Variants in IQCH observed in about 807,000 individuals in gnomAD.
IQCH encodes the protein IQ domain-containing protein H.
A neutral mutation model predicts 117.0 loss-of-function variants in IQCH; 98 were observed. The ratio of observed to expected loss-of-function variants is 0.84; its 90% confidence interval spans 0.71 to 0.99. The LOEUF is 0.99. IQCH is among the 50% of genes least tolerant of loss of function. The probability of loss-of-function intolerance (pLI) is 0.00; values close to 1 mark genes in which losing one functional copy is unlikely to be tolerated. For synonymous variants in IQCH, 412 were observed against 448.2 expected (o/e 0.92, Z 1.02); for missense variants, 1,102 against 1,243.8 (o/e 0.89, Z 1.72).
chr15:67,257,271 A>G (rs1423555381), intron 1 of IQCH, among the ~76,000 whole-genome samples: 2 of 152,242 alleles, frequency 1.3e-5, no homozygotes, highest in African/African-American at 4.8e-5. Context: ...TTACTGTAAA[A>G]GTAGACTTCC....
intron 4 of IQCH, among the ~76,000 whole-genome samples, chr15:67,320,617 G>A (rs1482564160): frequency 6.6e-6 from 1 of 151,998 alleles, no homozygotes; most frequent in African/African-American, 2.4e-5. Flanking sequence ...GAAAATTCTG[G>A]GTCCAGTGTG....
chr15:67,371,147 G>A (rs890138266), intron 8 of IQCH, among the ~76,000 whole-genome samples: 1 of 152,016 alleles, frequency 6.6e-6, no homozygotes, highest in Admixed American at 6.6e-5. Context: ...GTTTACTGAC[G>A]AGAACTCAGG....
At chr15:67,394,003 G>A (rs1198346212) in intron 12 of IQCH, among the ~76,000 whole-genome samples, 1 of 152,090 alleles carries the variant, frequency 6.6e-6, no homozygotes, top group Non-Finnish European at 1.5e-5. Flanking sequence ...GGGGGTCTAA[G>A]TTACTTGCCT....
At chr15:67,378,900 T>G (rs1970827021) in intron 10 of IQCH, among the ~76,000 whole-genome samples, 2 of 152,234 alleles carry the variant, frequency 1.3e-5, no homozygotes, top group Admixed American at 1.3e-4. Context: ...ATCATGATTA[T>G]TGAAGACCGT....
At chr15:67,324,700 ATGTTTTT>A (rs561189291) in intron 4 of IQCH, among the ~76,000 whole-genome samples, 2 of 150,718 alleles carry the variant, frequency 1.3e-5, no homozygotes, top group South Asian at 2.1e-4. Context: ...TGGGGTAGCC[ATGTTTTT>A]TGTTTTTTGT....
rs2083337782 is a variant in IQCH at position 67,481,522 on chromosome 15, A to C, written c.2799+5704A>C. The stretch of plus-strand genomic sequence containing the variant: ...ACGTGGGGATTATGAGAACTACATT[A>C]AAAATAAAATTTGGGTGGGGACACA... On this transcript the variant is annotated intron_variant, in intron 18 of 20. Coordinates refer to ENST00000335894, the MANE Select transcript of IQCH (RefSeq NM_001031715.3). The surrounding 1 kb of genome is among the most constrained non-coding windows in gnomAD (Gnocchi z 4.1). 6.6e-6 allele frequency among the ~76,000 whole-genome samples: 1 copy of C among 152,200 alleles called. No homozygotes were observed. Among genetic ancestry groups the C allele is most frequent in the Non-Finnish European group, 1.5e-5 (1 of 68,036 alleles).
chr15:67,299,634 C>A (rs12901312), intron 4 of IQCH, among the ~76,000 whole-genome samples: 31,392 of 151,752 alleles, frequency 0.21, 3,871 homozygotes, highest in East Asian at 0.39. Flanking sequence ...TTGAAGAAAC[C>A]AGGTCATTTG....
At position 67,407,543 on chromosome 15, in the gene IQCH, C is replaced by G. The variant is rs1851681891; in HGVS notation, c.2097+7238C>G. The G allele has an allele frequency of 6.6e-6, 1 of 152,104 alleles. No individual in the cohort carries two copies. The highest frequency in any genetic ancestry group is 1.5e-5 in the Non-Finnish European group (1 of 68,050). The allele number at this position is 152,104 out of a possible 1,614,324, so 9.4% of individuals were successfully genotyped here. A position where few individuals can be genotyped will look rare whatever the true frequency, so the allele number is the denominator to read the frequency against. ...CCAAGTGAAATGAAAGCCAGGGTAC[C>G]CCTTCTGAGGACCTATAATAATCAG... On this transcript the variant is annotated intron_variant, in intron 14 of 20. Coordinates refer to ENST00000335894, the MANE Select transcript of IQCH (RefSeq NM_001031715.3). The surrounding 1 kb of genome is among the most constrained non-coding windows in gnomAD (Gnocchi z 5.3).
At chr15:67,336,871 A>T in intron 4 of IQCH, 104 bp from the exon 5 acceptor site, 1 of 1,147,696 alleles carries the variant, frequency 8.7e-7, no homozygotes, top group Non-Finnish European at 1.2e-6. Flanking sequence ...CTACTTTATT[A>T]AAACTTAATG....
In IQCH at chr15:67,309,766, A is replaced by G. The variant is rs868861408; in HGVS notation, c.388-27209A>G. 1.1e-4 allele frequency among the ~76,000 whole-genome samples: 17 copies of G among 151,650 alleles called. No homozygotes were observed. In the South Asian group the frequency reaches 1.3e-3, roughly 11 times the overall value. On this transcript the variant is annotated intron_variant, in intron 4 of 20. Coordinates refer to ENST00000335894, the MANE Select transcript of IQCH (RefSeq NM_001031715.3). ...ATGGGGGAAGCAAGATGGAGAGGCA[A>G]TCTGGTGTGCTGGGAGGGGCTTGGA...
intron 16 of IQCH, among the ~76,000 whole-genome samples, chr15:67,434,267 A>G (rs933799983): frequency 6.6e-6 from 1 of 152,148 alleles, no homozygotes; most frequent in African/African-American, 2.4e-5. Context: ...GTAATCACTC[A>G]TCTACTTTCT....
At chr15:67,307,930 C>G (rs1157303386) in intron 4 of IQCH, among the ~76,000 whole-genome samples, 1 of 152,148 alleles carries the variant, frequency 6.6e-6, no homozygotes, top group Non-Finnish European at 1.5e-5. Flanking sequence ...TTCTTGTCAT[C>G]TGGAATCAGA....
chr15:67,373,250 A>G, intron 9 of IQCH, 117 bp from the exon 10 acceptor site: 2 of 621,568 alleles, frequency 3.2e-6, no homozygotes, highest in Non-Finnish European at 5.6e-6. Context: ...TATGTAATTA[A>G]ATCAATTAAT....
chr15:67,331,929 G>T (rs891301333), intron 4 of IQCH, among the ~76,000 whole-genome samples: 5 of 152,150 alleles, frequency 3.3e-5, no homozygotes, highest in Non-Finnish European at 7.4e-5. Flanking sequence ...CTGGAATTTG[G>T]TCACTGGTCC....
rs2083348219 is a variant in IQCH, at chr15:67,481,895, C to A, written c.2799+6077C>A. 6.6e-6 allele frequency among the ~76,000 whole-genome samples: 1 copy of A among 152,132 alleles called. No homozygotes were observed. Among genetic ancestry groups the A allele is most frequent in the Non-Finnish European group, 1.5e-5 (1 of 68,020 alleles). On this transcript the variant is annotated intron_variant, in intron 18 of 20. Coordinates refer to ENST00000335894, the MANE Select transcript of IQCH (RefSeq NM_001031715.3). The surrounding 1 kb of genome is among the most constrained non-coding windows in gnomAD (Gnocchi z 4.1). ...CTTAAGACTTAAAACAACCCTTGGG[C>A]CCTCAACTATCTACAGGCAGGAAGT...
rs969168348 is a variant in IQCH at position 67,426,979 on chromosome 15, A to G, written c.2505+5402A>G. Among the ~76,000 whole-genome samples, 7 of 151,674 alleles carry G rather than the reference A, an allele frequency of 4.6e-5. No homozygotes were observed. Among genetic ancestry groups the G allele is most frequent in the African/African-American group, 1.7e-4 (7 of 41,236 alleles). ...CCAGCCTGGGCAACAGAGACCCAGT[A>G]TCCAAAAAAAAAAAAGAAGAAGAAA... On this transcript the variant is annotated intron_variant, in intron 16 of 20. Transcript: ENST00000335894. This position sits in a 1 kb window ranked among gnomAD's most constrained non-coding sequence, Gnocchi z 5.1.
At chr15:67,428,675 C>T (rs1418083657) in intron 16 of IQCH, among the ~76,000 whole-genome samples, 3 of 151,870 alleles carry the variant, frequency 2.0e-5, no homozygotes, top group Non-Finnish European at 4.4e-5. Context: ...ATGGTGAAAC[C>T]CCATCTCTAC....
chr15:67,418,653 A>G (rs2081642248), intron 15 of IQCH, among the ~76,000 whole-genome samples: 1 of 142,128 alleles, frequency 7.0e-6, no homozygotes, highest in South Asian at 2.2e-4. Flanking sequence ...ATCTCGGCTC[A>G]CTGCAACCTC....
Position 67,364,677 on chromosome 15 carries a change from A to G in IQCH, c.753+4792A>G, listed in dbSNP as rs188384985. On this transcript the variant is annotated intron_variant, in intron 8 of 20. Coordinates refer to ENST00000335894, the MANE Select transcript of IQCH (RefSeq NM_001031715.3). This position sits in a 1 kb window ranked among gnomAD's most constrained non-coding sequence, Gnocchi z 4.1. ...TTTGGAAAATTCAGAAAAGAGAAAAAAAGTATAGAAGGATTTTTTTCCCCA... is the reference window on the plus strand; with the variant it reads ...TTTGGAAAATTCAGAAAAGAGAAAAGAAGTATAGAAGGATTTTTTTCCCCA... Among the ~76,000 whole-genome samples, 62 of 152,340 alleles carry G rather than the reference A, an allele frequency of 4.1e-4. No homozygotes were observed. The East Asian group carries it at 0.011, about 28-fold the overall frequency.
Sources: allele counts gnomAD v4.1 joint callset (sites outside exome capture counted in the v4.1 genomes callset), GRCh38; gene constraint gnomAD v4.1.1; non-coding constraint Gnocchi (gnomAD v3.1); transcripts MANE v1.5; gene names NCBI Gene and HGNC (gene_info 2026-07-23, HGNC 2026-07-21).